Variants in CLSTN2 observed in about 807,000 individuals in gnomAD.
CLSTN2 encodes calsyntenin 2, also known as calsyntenin-2.
Under a neutral mutation model 101.2 loss-of-function variants are expected in CLSTN2, and 48 were observed. The observed-to-expected ratio is 0.47, with a 90% CI of 0.38 to 0.60. The LOEUF (loss-of-function observed/expected upper bound fraction) is 0.60, where lower values mean the gene tolerates loss of function less well. Among genes scored for constraint, CLSTN2 ranks in the 20% least tolerant of loss-of-function variants. The pLI is 0.00. For missense variants in CLSTN2, 1,160 were observed against 1,238.2 expected (o/e 0.94, Z 0.95); for synonymous variants, 481 against 463.6 (o/e 1.04, Z -0.48).
At chr3:140,116,182 C>T (rs1218327390) in intron 1 of CLSTN2, among the ~76,000 whole-genome samples, 1 of 152,156 alleles carries the variant, frequency 6.6e-6, no homozygotes, top group Non-Finnish European at 1.5e-5. Flanking sequence ...ATCTACAAAT[C>T]TCCTGGTCTA....
At chr3:140,526,902 G>T (rs1935155109) in intron 8 of CLSTN2, among the ~76,000 whole-genome samples, 1 of 152,076 alleles carries the variant, frequency 6.6e-6, no homozygotes, top group African/African-American at 2.4e-5. Context: ...AATGAAGCTG[G>T]ACTCCTACCT....
chr3:140,438,527 C>A (rs1576567994), intron 5 of CLSTN2, among the ~76,000 whole-genome samples: 1 of 143,310 alleles, frequency 7.0e-6, no homozygotes, highest in African/African-American at 2.6e-5. Flanking sequence ...TATACATAAG[C>A]CATCTTTTCA....
chr3:140,358,477 A>G (rs2087696376), intron 2 of CLSTN2, among the ~76,000 whole-genome samples: 2 of 152,202 alleles, frequency 1.3e-5, no homozygotes, highest in African/African-American at 4.8e-5. Context: ...CTTAATGAAT[A>G]CTAAAGCACT....
At chr3:140,108,507 T>C (rs1389035180) in intron 1 of CLSTN2, among the ~76,000 whole-genome samples, 1 of 152,200 alleles carries the variant, frequency 6.6e-6, no homozygotes, top group African/African-American at 2.4e-5. Context: ...ACCTGCTACT[T>C]TACCTGCAGC....
At chr3:139,949,534 G>A (rs768368521) in intron 1 of CLSTN2, among the ~76,000 whole-genome samples, 3 of 152,184 alleles carry the variant, frequency 2.0e-5, no homozygotes, top group African/African-American at 7.2e-5. Context: ...CCCAGCTGGG[G>A]TTAGGGACCT....
intron 1 of CLSTN2, among the ~76,000 whole-genome samples, chr3:140,022,750 A>T (rs965351760): frequency 1.3e-5 from 2 of 152,190 alleles, no homozygotes; most frequent in African/African-American, 4.8e-5. Context: ...ACAAGGAGAC[A>T]GGTGCTGGTG....
rs564711002 is a variant in CLSTN2, at chr3:140,132,366, C to T, written c.110-43585C>T. ...CAAGTAACCTCACTTAGAATGCATACATCTTCCAAAAATATTTTGTAAACC... is the reference window on the plus strand; with the variant it reads ...CAAGTAACCTCACTTAGAATGCATATATCTTCCAAAAATATTTTGTAAACC... On this transcript the variant is annotated intron_variant, in intron 1 of 16. Transcript: ENST00000458420. 9.5e-4 allele frequency among the ~76,000 whole-genome samples: 144 copies of T among 152,280 alleles called. 1 individual carries two copies. Among genetic ancestry groups the T allele is most frequent in the African/African-American group, 3.4e-3 (141 of 41,554 alleles).
chr3:139,983,983 A>ATTTC (rs1304412587), intron 1 of CLSTN2, among the ~76,000 whole-genome samples: 4 of 152,104 alleles, frequency 2.6e-5, no homozygotes, highest in African/African-American at 9.7e-5. Flanking sequence ...CATTCCTTAC[A>ATTTC]TTTCTTTCTT....
intron 2 of CLSTN2, among the ~76,000 whole-genome samples, chr3:140,262,512 G>A (rs1194898157): frequency 6.6e-6 from 1 of 152,198 alleles, no homozygotes; most frequent in East Asian, 1.9e-4. Context: ...GAAAGTGAAT[G>A]TGAAGAAGTA....
At chr3:140,278,570 A>T (rs1294824124) in intron 2 of CLSTN2, among the ~76,000 whole-genome samples, 1 of 152,196 alleles carries the variant, frequency 6.6e-6, no homozygotes, top group East Asian at 1.9e-4. Flanking sequence ...AAGGATGAGC[A>T]CTGTGCGGCT....
chr3:140,096,111 T>A (rs1324154176), intron 1 of CLSTN2, among the ~76,000 whole-genome samples: 1 of 152,218 alleles, frequency 6.6e-6, no homozygotes, highest in East Asian at 1.9e-4. Flanking sequence ...TTTTACCAAA[T>A]GACTGCAAAG....
chr3:140,004,817 G>A (rs1377228572), intron 1 of CLSTN2, among the ~76,000 whole-genome samples: 1 of 152,142 alleles, frequency 6.6e-6, no homozygotes, highest in Non-Finnish European at 1.5e-5. Context: ...GTTTGTGGGG[G>A]CTCCATGGTA....
chr3:140,478,540 G>A (rs1362625587), intron 8 of CLSTN2, among the ~76,000 whole-genome samples: 2 of 152,142 alleles, frequency 1.3e-5, no homozygotes, highest in African/African-American at 4.8e-5. Context: ...AAGGTGATTT[G>A]TAGAGACAGA....
chr3:140,198,669 T>A (rs1403389323), intron 2 of CLSTN2, among the ~76,000 whole-genome samples: 3 of 152,240 alleles, frequency 2.0e-5, no homozygotes, highest in African/African-American at 7.2e-5. Context: ...TTTTTCGTAG[T>A]GGATCTAATA....
At chr3:139,943,845 G>T (rs1935175770) in intron 1 of CLSTN2, among the ~76,000 whole-genome samples, 1 of 152,166 alleles carries the variant, frequency 6.6e-6, no homozygotes, top group Admixed American at 6.5e-5. Context: ...AGGACTGGAG[G>T]TATCTTCAGA....
chr3:140,399,213 G>T (rs1004180314), intron 2 of CLSTN2, among the ~76,000 whole-genome samples: 13 of 152,210 alleles, frequency 8.5e-5, no homozygotes, highest in African/African-American at 3.1e-4. Flanking sequence ...ATCTTTATAT[G>T]AAAACCATTA....
rs1032655552 is a variant in CLSTN2, at chr3:140,569,301, G to A, written c.*3048G>A. On this transcript the variant is annotated 3_prime_UTR_variant, in exon 17 of 17. Coordinates refer to ENST00000458420, the MANE Select transcript of CLSTN2 (RefSeq NM_022131.3). ...CCTATGACCTCTAACTGAGATGTTG[G>A]CAGCCAGGCAGATGCAGGCTCATGT... 1.3e-5 allele frequency: 2 copies of A among 152,204 alleles called. No homozygotes were observed. Among genetic ancestry groups the A allele is most frequent in the Non-Finnish European group, 2.9e-5 (2 of 68,054 alleles). 9.4% of individuals were successfully genotyped at this position (152,204 alleles called of 1,614,324 possible).
At chr3:140,165,693 G>C (rs1045317777) in intron 1 of CLSTN2, among the ~76,000 whole-genome samples, 3 of 152,128 alleles carry the variant, frequency 2.0e-5, no homozygotes, top group Non-Finnish European at 4.4e-5. Flanking sequence ...ATGGAGGGCA[G>C]GACAGCTTCC....
intron 2 of CLSTN2, among the ~76,000 whole-genome samples, chr3:140,178,799 CA>C (rs1171614812): frequency 6.6e-6 from 1 of 152,200 alleles, no homozygotes; most frequent in Non-Finnish European, 1.5e-5. Context: ...CCAACTCCAT[CA>C]CTCCTCGAAG....
Sources: allele counts gnomAD v4.1 joint callset (sites outside exome capture counted in the v4.1 genomes callset), GRCh38; gene constraint gnomAD v4.1.1; transcripts MANE v1.5; gene names NCBI Gene and HGNC (gene_info 2026-07-23, HGNC 2026-07-21).